ASTN2: variants seen among roughly 807,000 people sequenced by gnomAD.
ASTN2 encodes the protein astrotactin-2.
In ASTN2, 54 loss-of-function variants were observed where a neutral mutation model predicts 139.8. The ratio of observed to expected loss-of-function variants is 0.39; its 90% CI spans 0.31 to 0.48. The LOEUF is 0.48. ASTN2 is among the 20% of genes least tolerant of loss of function. The pLI is 0.95. For synonymous variants in ASTN2, 756 were observed against 719.5 expected, an observed-to-expected ratio of 1.05 and a Z score of -0.81; for missense variants, 1,565 against 1,725.1, an observed-to-expected ratio of 0.91 and a Z score of 1.64.
intron 16 of ASTN2, among the ~76,000 whole-genome samples, chr9:116,664,492 A>G (rs572619272): frequency 1.4e-3 from 210 of 150,630 alleles, no homozygotes; most frequent in Middle Eastern, 3.5e-3. Context: ...AGGTTACCCA[A>G]ACCTAACACA....
At chr9:117,245,748 G>A (rs1390144781) in intron 2 of ASTN2, among the ~76,000 whole-genome samples, 1 of 152,046 alleles carries the variant, frequency 6.6e-6, no homozygotes, top group Non-Finnish European at 1.5e-5. Flanking sequence ...CCTGGTATCT[G>A]CTCACCATCT....
chr9:116,743,643 T>G (rs1215624951), intron 13 of ASTN2, among the ~76,000 whole-genome samples: 1 of 152,082 alleles, frequency 6.6e-6, no homozygotes, highest in Admixed American at 6.5e-5. Context: ...GTAGCTGGGA[T>G]TACAGGGGTG....
intron 13 of ASTN2, among the ~76,000 whole-genome samples, chr9:116,789,224 A>G (rs1830463443): frequency 6.6e-6 from 1 of 152,174 alleles, no homozygotes; most frequent in Admixed American, 6.5e-5. Flanking sequence ...CATCAAAAAG[A>G]AAGGGAAGCA....
chr9:116,697,196 T>C (rs923170445), intron 16 of ASTN2, among the ~76,000 whole-genome samples: 1 of 152,204 alleles, frequency 6.6e-6, no homozygotes, highest in Non-Finnish European at 1.5e-5. Flanking sequence ...GCTTTTCTCT[T>C]AGTGTAAATC....
chr9:116,444,071 C>T lies in ASTN2; in HGVS notation c.3498-1518G>A, dbSNP rs759708794. On this transcript the variant is annotated intron_variant, in intron 20 of 22. Transcript: ENST00000313400. ...ACCTACATTAACACAATTAATTCCC[C>T]CACACAATCCTAAAAGACAGGCACT... Among the ~76,000 whole-genome samples the T allele has an allele frequency of 1.6e-4, 24 of 151,434 alleles. 1 individual carries two copies. Among genetic ancestry groups the T allele is most frequent in the Non-Finnish European group, 8.8e-5 (6 of 67,890 alleles).
At chr9:116,847,033 A>C (rs1417146519) in intron 11 of ASTN2, among the ~76,000 whole-genome samples, 4 of 144,846 alleles carry the variant, frequency 2.8e-5, no homozygotes, top group Admixed American at 2.7e-4. Flanking sequence ...AAAACAAAAA[A>C]CAAAAAACAA....
At chr9:117,047,803 T>C (rs551903744) in intron 5 of ASTN2, among the ~76,000 whole-genome samples, 1 of 152,300 alleles carries the variant, frequency 6.6e-6, no homozygotes, top group South Asian at 2.1e-4. Context: ...AGATTTGTTT[T>C]GCTTAAGATT....
chr9:117,080,386 T>C (rs1443667663), intron 5 of ASTN2, among the ~76,000 whole-genome samples: 1 of 152,200 alleles, frequency 6.6e-6, no homozygotes, highest in Non-Finnish European at 1.5e-5. Flanking sequence ...GGGCTCATTC[T>C]AATTTTTCAG....
intron 20 of ASTN2, among the ~76,000 whole-genome samples, chr9:116,473,704 C>A (rs1848889814): frequency 6.6e-6 from 1 of 152,136 alleles, no homozygotes. Context: ...TCGAGACCAG[C>A]CCAGCTGGGC....
intron 5 of ASTN2, among the ~76,000 whole-genome samples, chr9:117,064,582 A>G (rs1827874520): frequency 6.6e-6 from 1 of 152,210 alleles, no homozygotes; most frequent in South Asian, 2.1e-4. Context: ...CTTCTCACTT[A>G]TAAGTGGGAG....
chr9:116,510,244 C>T (rs972793273), intron 19 of ASTN2, among the ~76,000 whole-genome samples: 1 of 152,230 alleles, frequency 6.6e-6, no homozygotes, highest in Non-Finnish European at 1.5e-5. Flanking sequence ...GTTTTCCCAG[C>T]ACCATTTGTT....
chr9:116,830,746 C>T (rs10983365), intron 11 of ASTN2, among the ~76,000 whole-genome samples: 2,524 of 147,768 alleles, frequency 0.017, 28 homozygotes, highest in East Asian at 0.035. Context: ...GAGCCAAGAT[C>T]GCGCCACTGC....
chr9:117,404,782 T>A (rs1426259370), intron 1 of ASTN2, among the ~76,000 whole-genome samples: 2 of 151,260 alleles, frequency 1.3e-5, no homozygotes, highest in African/African-American at 4.9e-5. Flanking sequence ...AGATCACTGA[T>A]CCCCTAGTAA....
Position 116,425,014 on chromosome 9 carries a change from G to A in ASTN2, c.*837C>T, listed in dbSNP as rs1847267204. Among the ~76,000 whole-genome samples, 1 of 152,084 alleles carries A rather than the reference G, an allele frequency of 6.6e-6. No homozygotes were observed. Among genetic ancestry groups the A allele is most frequent in the Non-Finnish European group, 1.5e-5 (1 of 68,008 alleles). ...TGTGTCTCATGCTCTAACAGTGAGT[G>A]CAAAGAACCTCCATTCTTCCTCTAG... On this transcript the variant is annotated 3_prime_UTR_variant, in exon 23 of 23. Coordinates refer to ENST00000313400, the MANE Select transcript of ASTN2 (RefSeq NM_001365068.1).
chr9:116,430,870 T>A (rs1408616261), intron 22 of ASTN2, among the ~76,000 whole-genome samples: 1 of 152,198 alleles, frequency 6.6e-6, no homozygotes, highest in Admixed American at 6.5e-5. Flanking sequence ...TGCTGGCTAA[T>A]AAATTGTAGG....
chr9:117,118,949 CATTT>C (rs1197256530), intron 4 of ASTN2, among the ~76,000 whole-genome samples: 1 of 152,176 alleles, frequency 6.6e-6, no homozygotes, highest in South Asian at 2.1e-4. Context: ...TTCTTCATAA[CATTT>C]ATTGCTTTCT....
intron 5 of ASTN2, among the ~76,000 whole-genome samples, chr9:117,061,568 G>A (rs994383248): frequency 2.0e-5 from 3 of 152,092 alleles, no homozygotes; most frequent in Non-Finnish European, 4.4e-5. Flanking sequence ...ATCTTTAAAC[G>A]TCCAGCTTAA....
chr9:117,380,814 T>A (rs1216846395), intron 1 of ASTN2, among the ~76,000 whole-genome samples: 1 of 152,114 alleles, frequency 6.6e-6, no homozygotes, highest in Non-Finnish European at 1.5e-5. Flanking sequence ...GATGGAAAGG[T>A]AACATGGTGC....
intron 13 of ASTN2, among the ~76,000 whole-genome samples, chr9:116,758,419 C>T (rs1485698479): frequency 6.6e-6 from 1 of 152,106 alleles, no homozygotes; most frequent in Non-Finnish European, 1.5e-5. Flanking sequence ...TCAGGGGTCA[C>T]TGGTATGACA....
Sources: allele counts gnomAD v4.1 joint callset (sites outside exome capture counted in the v4.1 genomes callset), GRCh38; gene constraint gnomAD v4.1.1; transcripts MANE v1.5; gene names NCBI Gene and HGNC (gene_info 2026-07-23, HGNC 2026-07-21).